GRIK1: variants seen among roughly 807,000 people sequenced by gnomAD.
GRIK1 encodes glutamate receptor ionotropic, kainate 1.
A neutral mutation model predicts 105.7 loss-of-function variants in GRIK1; 69 were observed. The observed-to-expected ratio is 0.65, with a 90% CI of 0.54 to 0.80. The LOEUF is 0.80. GRIK1 is among the 30% of genes least tolerant of loss of function. GRIK1 has a pLI of 0.00. For missense variants in GRIK1, 1,109 were observed against 1,167.3 expected (o/e 0.95, Z 0.73); for synonymous variants, 438 against 431.3 (o/e 1.02, Z -0.19).
intron 1 of GRIK1, among the ~76,000 whole-genome samples, chr21:29,745,298 T>C (rs1380392529): frequency 1.3e-5 from 2 of 152,200 alleles, no homozygotes; most frequent in Non-Finnish European, 2.9e-5. Flanking sequence ...AGTAGATGCC[T>C]CTGCTGTTGA....
chr21:29,589,401 T>A (rs78290002), intron 10 of GRIK1, among the ~76,000 whole-genome samples: 1 of 150,132 alleles, frequency 6.7e-6, no homozygotes, highest in Non-Finnish European at 1.5e-5. Flanking sequence ...ATACCTAAGC[T>A]TTTTTTTGTA....
intron 14 of GRIK1, among the ~76,000 whole-genome samples, chr21:29,575,687 C>T (rs1466203621): frequency 6.6e-6 from 1 of 151,990 alleles, no homozygotes; most frequent in Admixed American, 6.6e-5. Flanking sequence ...CAAAAATTAG[C>T]CAGGTGTGGT....
intron 1 of GRIK1, among the ~76,000 whole-genome samples, chr21:29,757,258 A>T (rs918539380): frequency 3.3e-5 from 5 of 152,228 alleles, no homozygotes; most frequent in African/African-American, 1.2e-4. Flanking sequence ...TTCCCATCAC[A>T]TACATTGTTC....
At chr21:29,580,254 C>A (rs757112471) in intron 13 of GRIK1, among the ~76,000 whole-genome samples, 36 of 151,172 alleles carry the variant, frequency 2.4e-4, no homozygotes, top group Non-Finnish European at 2.4e-4. Flanking sequence ...TAATTGCTCA[C>A]AAGATAAATA....
intron 15 of GRIK1, among the ~76,000 whole-genome samples, chr21:29,559,203 C>T (rs9680429): frequency 0.066 from 10,064 of 152,228 alleles, 644 homozygotes; most frequent in African/African-American, 0.16. Flanking sequence ...GGTACCTACT[C>T]TTGGTGTTCT....
At position 29,753,093 on chromosome 21, in the gene GRIK1, C is replaced by T. The variant is rs531225381; in HGVS notation, c.119-59030G>A. Among the ~76,000 whole-genome samples, 12 of 152,264 alleles carry T rather than the reference C, an allele frequency of 7.9e-5. No homozygotes were observed. In the South Asian group the frequency reaches 2.5e-3, roughly 32 times the overall value. ...TCTTTTTCTGGTGAGTGCATGCATG[C>T]ATGTGTGTGTGTTTTGAGTTTGCAA... is the stretch of plus-strand genomic sequence containing the variant. On this transcript the variant is annotated intron_variant, in intron 1 of 17. Transcript: ENST00000327783.
Position 29,587,964 on chromosome 21 carries a change from C to CTTTT in GRIK1, c.1570-379_1570-376dup, listed in dbSNP as rs568648777. Reference sequence around the variant, plus strand: ...GCTCTGAGCTGAAAACTTTAAAATTCTTTTTTTTTTTTTTTTTTTTTTTTT... The same window carrying CTTTT: ...GCTCTGAGCTGAAAACTTTAAAATTCTTTTTTTTTTTTTTTTTTTTTTTTTTTTT... On this transcript the variant is annotated intron_variant, in intron 11 of 17. Transcript: ENST00000327783. 3.3e-3 allele frequency among the ~76,000 whole-genome samples: 217 copies of CTTTT among 65,408 alleles called. 27 individuals are homozygous for CTTTT. The highest frequency in any genetic ancestry group is 4.6e-3 in the Non-Finnish European group (167 of 36,564). The allele number at this position is 65,408 out of a possible 152,430, so 42.9% of individuals were successfully genotyped here. A position where few individuals can be genotyped will look rare whatever the true frequency, so the allele number is the denominator to read the frequency against.
intron 7 of GRIK1, among the ~76,000 whole-genome samples, chr21:29,622,242 C>T (rs776314543): frequency 3.3e-5 from 5 of 152,274 alleles, no homozygotes; most frequent in Admixed American, 1.3e-4. Context: ...CCACCACGCC[C>T]GGCCTCTAAG....
intron 1 of GRIK1, among the ~76,000 whole-genome samples, chr21:29,865,144 T>A (rs1314638005): frequency 1.3e-5 from 2 of 152,226 alleles, no homozygotes; most frequent in African/African-American, 4.8e-5. Context: ...AAAGCAGAAT[T>A]TTCTGAACTC....
chr21:29,804,329 T>C (rs1179361869), intron 1 of GRIK1, among the ~76,000 whole-genome samples: 1 of 152,164 alleles, frequency 6.6e-6, no homozygotes, highest in Non-Finnish European at 1.5e-5. Context: ...TCAGCATGTC[T>C]AGTTTCCATA....
At chr21:29,586,741 G>A (rs571850401) in intron 12 of GRIK1, among the ~76,000 whole-genome samples, 49 of 152,230 alleles carry the variant, frequency 3.2e-4, no homozygotes, top group Middle Eastern at 3.4e-3. Context: ...GTTAAATCTC[G>A]AAAAGTAAAA....
At chr21:29,866,469 A>G (rs576865611) in intron 1 of GRIK1, among the ~76,000 whole-genome samples, 11 of 152,312 alleles carry the variant, frequency 7.2e-5, no homozygotes, top group Non-Finnish European at 1.2e-4. Flanking sequence ...GAAGTTAGAA[A>G]CAAAATTTCT....
At chr21:29,560,189 T>G (rs1373487575) in intron 15 of GRIK1, among the ~76,000 whole-genome samples, 1 of 152,160 alleles carries the variant, frequency 6.6e-6, no homozygotes, top group Non-Finnish European at 1.5e-5. Context: ...AGTCCCTGAT[T>G]CTTCTCCTTT....
At chr21:29,760,517 G>A (rs1241632462) in intron 1 of GRIK1, 1 of 152,198 alleles carries the variant, frequency 6.6e-6, no homozygotes, top group African/African-American at 2.4e-5. Flanking sequence ...ATCTAACAGT[G>A]TTTTCAAACG....
chr21:29,909,937 G>A (rs1431748874), intron 1 of GRIK1, among the ~76,000 whole-genome samples: 2 of 152,062 alleles, frequency 1.3e-5, no homozygotes, highest in Admixed American at 1.3e-4. Flanking sequence ...CAGACACATG[G>A]ACAATATAAT....
chr21:29,700,299 C>T (rs558047715), intron 1 of GRIK1, among the ~76,000 whole-genome samples: 4 of 152,182 alleles, frequency 2.6e-5, no homozygotes, highest in Admixed American at 2.0e-4. Context: ...TGAAGGGTTG[C>T]CATGAAGGAT....
At chr21:29,759,253 G>C (rs2065443183) in intron 1 of GRIK1, among the ~76,000 whole-genome samples, 1 of 151,844 alleles carries the variant, frequency 6.6e-6, no homozygotes, top group Non-Finnish European at 1.5e-5. Flanking sequence ...GAGTAGCTGG[G>C]ACTACAGGCA....
chr21:29,914,637 A>G (rs1239114824), intron 1 of GRIK1, among the ~76,000 whole-genome samples: 1 of 152,062 alleles, frequency 6.6e-6, no homozygotes, highest in Non-Finnish European at 1.5e-5. Flanking sequence ...CTCTTCCCCC[A>G]TCTCCCTAGA....
At chr21:29,630,125 T>G in intron 7 of GRIK1, among the ~76,000 whole-genome samples, 1 of 152,182 alleles carries the variant, frequency 6.6e-6, no homozygotes. Context: ...GAAAAGGTAG[T>G]ATTCTAGACG....
Sources: allele counts gnomAD v4.1 joint callset (sites outside exome capture counted in the v4.1 genomes callset), GRCh38; gene constraint gnomAD v4.1.1; transcripts MANE v1.5; gene names NCBI Gene and HGNC (gene_info 2026-07-23, HGNC 2026-07-21).